The following IGSF9B variants were observed in gnomAD, a reference collection of about 807,000 sequenced individuals.
The protein encoded by IGSF9B is protein turtle homolog B.
Under a neutral mutation model 143.7 loss-of-function variants are expected in IGSF9B, and 48 were observed. The observed-to-expected ratio is 0.33, with a 90% CI of 0.26 to 0.42. The LOEUF is 0.42. IGSF9B is among the 20% of genes least tolerant of loss of function. The pLI is 1.00. For synonymous variants in IGSF9B, 903 were observed against 833.1 expected (o/e 1.08, Z -1.44); for missense variants, 1,706 against 1,980.0 (o/e 0.86, Z 2.63).
rs796538958 is a variant in IGSF9B, at chr11:133,909,451, C to A, written c.4106-174G>T. Among the ~76,000 whole-genome samples the A allele has an allele frequency of 6.6e-6, 1 of 152,176 alleles. No individual in the cohort carries two copies. Among genetic ancestry groups the A allele is most frequent in the Non-Finnish European group, 1.5e-5 (1 of 68,040 alleles). ...GCTGCAGAGAAACCACCTTCTTTTCCGCCAAGACAACCAGCAACCTGACCC... is the reference window on the plus strand; with the variant it reads ...GCTGCAGAGAAACCACCTTCTTTTCAGCCAAGACAACCAGCAACCTGACCC... On this transcript the variant is annotated intron_variant, in intron 19 of 19. Transcript: ENST00000533871. The surrounding 1 kb of genome is among the most constrained non-coding windows in gnomAD (Gnocchi z 4.2).
Position 133,904,655 on chromosome 11 carries a change from C to T in IGSF9B, c.*4414G>A, listed in dbSNP as rs77707977. Reference sequence around the variant, plus strand: ...GATCCCCCAGTGTGTACCCTGCACCCTTACAAGTAACTAAGTTATCACATG... The same window carrying T: ...GATCCCCCAGTGTGTACCCTGCACCTTTACAAGTAACTAAGTTATCACATG... On this transcript the variant is annotated 3_prime_UTR_variant, in exon 20 of 20. Coordinates refer to ENST00000533871, the MANE Select transcript of IGSF9B (RefSeq NM_001277285.4). Among the ~76,000 whole-genome samples the T allele has an allele frequency of 0.036, 5,452 of 152,072 alleles. 289 individuals are homozygous for T. The highest frequency in any genetic ancestry group is 0.12 in the African/African-American group (4,824 of 41,446).
At chr11:133,944,088 C>T (rs1939999345) in intron 3 of IGSF9B, 132 bp downstream of exon 3, 1 of 1,006,734 alleles carries the variant, frequency 9.9e-7, no homozygotes, top group Non-Finnish European at 1.4e-6. Flanking sequence ...CATGGGACCA[C>T]AGCAACAAGG....
At position 133,906,133 on chromosome 11, in the gene IGSF9B, G is replaced by A. The variant is rs1410661423; in HGVS notation, c.*2936C>T. On this transcript the variant is annotated 3_prime_UTR_variant, in exon 20 of 20. Coordinates refer to ENST00000533871, the MANE Select transcript of IGSF9B (RefSeq NM_001277285.4). ...GATCTCCTACAGAGTGAGTGCCGAA[G>A]TCCTAAGAAGCTGATCAGTAGTCAC... 6.6e-6 allele frequency among the ~76,000 whole-genome samples: 1 copy of A among 152,246 alleles called. No individual in the cohort carries two copies. Among genetic ancestry groups the A allele is most frequent in the African/African-American group, 2.4e-5 (1 of 41,468 alleles).
intron 12 of IGSF9B, 98 bp from the exon 13 acceptor site, chr11:133,927,189 G>T (rs1289412266): frequency 2.0e-6 from 2 of 985,386 alleles, no homozygotes; most frequent in Non-Finnish European, 3.0e-6. Flanking sequence ...GAAGGCACTG[G>T]TGGGCCTGGC....
chr11:133,935,350 G>C (rs945896897), intron 7 of IGSF9B, among the ~76,000 whole-genome samples: 1 of 152,228 alleles, frequency 6.6e-6, no homozygotes, highest in Non-Finnish European at 1.5e-5. Context: ...CTGCTCAAAG[G>C]TGTCTTCCTG....
At position 133,927,009 on chromosome 11, in the gene IGSF9B, G is replaced by C; in HGVS notation, c.1714C>G (p.Leu572Val). 2 of 1,578,662 alleles carry C rather than the reference G, an allele frequency of 1.3e-6. No individual in the cohort carries two copies. Among genetic ancestry groups the C allele is most frequent in the African/African-American group, 1.3e-5 (1 of 74,148 alleles). Reference sequence around the variant, plus strand: ...AACTGGTACGCTGTCTCAGGCTCCAGGGTGTCCACCAGCAGCCAGCTGGGT... The same window carrying C: ...AACTGGTACGCTGTCTCAGGCTCCACGGTGTCCACCAGCAGCCAGCTGGGT... ...PGPSWLLVDT[L>V]EPETAYQFSV... The change falls in exon 13 of 20, where the codon CTG becomes GTG. Residue 572 changes from leucine to valine, a missense_variant. By Grantham distance (32) the Leu-to-Val change is conservative. Coordinates refer to ENST00000533871, the MANE Select transcript of IGSF9B (RefSeq NM_001277285.4).
intron 1 of IGSF9B, among the ~76,000 whole-genome samples, chr11:133,955,217 C>T (rs909654431): frequency 5.9e-5 from 9 of 152,240 alleles, no homozygotes; most frequent in Admixed American, 3.3e-4. Context: ...TCAAGCGCAG[C>T]CCGATGCACC....
rs1342319704 is a variant in IGSF9B at position 133,906,709 on chromosome 11, C to G, written c.*2360G>C. Among the ~76,000 whole-genome samples the G allele has an allele frequency of 1.3e-5, 2 of 152,138 alleles. No homozygotes were observed. The highest frequency in any genetic ancestry group is 3.9e-4 in the East Asian group (2 of 5,174). ...TTTTCTAACCTGAGGGCTGGAATTCCCAGGAGGGTGCTCAGAAAAGTAGGC... is the reference window on the plus strand; with the variant it reads ...TTTTCTAACCTGAGGGCTGGAATTCGCAGGAGGGTGCTCAGAAAAGTAGGC... On this transcript the variant is annotated 3_prime_UTR_variant, in exon 20 of 20. Coordinates refer to ENST00000533871, the MANE Select transcript of IGSF9B (RefSeq NM_001277285.4).
Position 133,931,562 on chromosome 11 carries a change from G to A in IGSF9B, c.1259C>T (p.Pro420Leu), listed in dbSNP as rs1412505262. ...APARLVLKDP[P>L]YFTVLPGWEY... ...CCAGCCTGGTAGCACCGTGAAATAG[G>A]GGGGGTCCTGGGGAGGAAAGCACAG... The change falls in exon 10 of 20, where the codon CCC becomes CTC. Residue 420 changes from proline to leucine, a missense_variant. This residue lies in a region of IGSF9B where 238 missense variants were observed against 452.6 expected (regional missense o/e 0.53). Coordinates refer to ENST00000533871, the MANE Select transcript of IGSF9B (RefSeq NM_001277285.4). This position sits in a 1 kb window ranked among gnomAD's most constrained non-coding sequence, Gnocchi z 7.7. The A allele has an allele frequency of 6.2e-7, 1 of 1,613,172 alleles. No homozygotes were observed.
intron 14 of IGSF9B, 92 bp downstream of exon 14, chr11:133,925,647 C>T (rs1196925587): frequency 2.0e-6 from 2 of 1,022,188 alleles, no homozygotes; most frequent in African/African-American, 3.2e-5. Context: ...CCTCACACAC[C>T]CAAAGTTGGT....
rs770729496 is a variant in IGSF9B, at chr11:133,920,989, G to C, written c.2736C>G (p.Leu912=). ...PTSVAALKSQ[L]TPLSSSQESY... is the part of the protein sequence containing the mutation. ...ACTCCTGGCTGGATGACAGAGGGGT[G>C]AGCTGGGACTTCAGGGCGGCCACAG... Residue 912 remains leucine (L), a synonymous_variant, in exon 18 of 20, where the codon CTC becomes CTG. Coordinates refer to ENST00000533871, the MANE Select transcript of IGSF9B (RefSeq NM_001277285.4). 1.2e-6 allele frequency: 2 copies of C among 1,611,182 alleles called. No individual in the cohort carries two copies. Among genetic ancestry groups the C allele is most frequent in the African/African-American group, 2.7e-5 (2 of 74,894 alleles).
In IGSF9B at chr11:133,929,924, G is replaced by A. The variant is rs567505929; in HGVS notation, c.1520-142C>T. The A allele has an allele frequency of 4.1e-4, 255 of 616,882 alleles. 1 individual carries two copies. Among genetic ancestry groups the A allele is most frequent in the Non-Finnish European group, 6.8e-4 (235 of 346,286 alleles). The allele number at this position is 616,882 out of a possible 1,614,324, so 38.2% of individuals were successfully genotyped here. On this transcript the variant is annotated intron_variant, in intron 11 of 19. Coordinates refer to ENST00000533871, the MANE Select transcript of IGSF9B (RefSeq NM_001277285.4). ...CTGCAAGTGAAGGGATGGGGGCGAC[G>A]GGGATGCTCTCAGGCGCCGACTCCC...
intron 5 of IGSF9B, among the ~76,000 whole-genome samples, chr11:133,936,494 G>A (rs939917844): frequency 4.6e-5 from 7 of 152,210 alleles, no homozygotes; most frequent in East Asian, 3.9e-4. Context: ...AATCTAGAGC[G>A]AGGAATAGTC....
At chr11:133,911,805 T>G (rs1939305423) in intron 19 of IGSF9B, 81 bp downstream of exon 19, 1 of 1,368,538 alleles carries the variant, frequency 7.3e-7, no homozygotes, top group Non-Finnish European at 9.5e-7. Flanking sequence ...ATAACCCTCC[T>G]GACAACGGCA....
At chr11:133,956,239 G>A (rs1940250008) in intron 1 of IGSF9B, among the ~76,000 whole-genome samples, 1 of 152,080 alleles carries the variant, frequency 6.6e-6, no homozygotes, top group African/African-American at 2.4e-5. Context: ...GGGATCCTCC[G>A]GGTCGCGCCT....
At chr11:133,949,035 C>A (rs1183015208) in intron 1 of IGSF9B, among the ~76,000 whole-genome samples, 2 of 152,128 alleles carry the variant, frequency 1.3e-5, no homozygotes, top group African/African-American at 2.4e-5. Flanking sequence ...TCCACCCCAG[C>A]CCCAGCCAGC....
rs1053763892 is a variant in IGSF9B, at chr11:133,907,180, G to A, written c.*1889C>T. 9.2e-5 allele frequency among the ~76,000 whole-genome samples: 14 copies of A among 152,156 alleles called. No homozygotes were observed. The highest frequency in any genetic ancestry group is 3.4e-4 in the African/African-American group (14 of 41,432). On this transcript the variant is annotated 3_prime_UTR_variant, in exon 20 of 20. Transcript: ENST00000533871. Reference sequence around the variant, plus strand: ...TCAGATGTGTTCAGAAAGGAACTGCGGTGGTGTTACTTGCACGGTAAACCT... The same window carrying A: ...TCAGATGTGTTCAGAAAGGAACTGCAGTGGTGTTACTTGCACGGTAAACCT...
intron 18 of IGSF9B, chr11:133,919,013 G>T: frequency 2.0e-6 from 1 of 488,882 alleles, no homozygotes. Context: ...CAGGCGTCCA[G>T]GCCCTGGTAC....
chr11:133,946,403 C>T, intron 1 of IGSF9B, 145 bp from the exon 2 acceptor site: 1 of 670,686 alleles, frequency 1.5e-6, no homozygotes, highest in South Asian at 1.8e-5. Flanking sequence ...GGGTCCCAGG[C>T]ACACCCTCCA....
Sources: allele counts gnomAD v4.1 joint callset (sites outside exome capture counted in the v4.1 genomes callset), GRCh38; gene constraint gnomAD v4.1.1; regional missense constraint gnomAD v4.1.1; non-coding constraint Gnocchi (gnomAD v3.1); transcripts MANE v1.5; gene names NCBI Gene and HGNC (gene_info 2026-07-23, HGNC 2026-07-21).